The following DRC10 variants were observed in gnomAD, a reference collection of about 807,000 sequenced individuals.
DRC10 encodes dynein regulatory complex subunit 10.
the DRC10 span, chr12:113,200,296 G>T: frequency 5.1e-6 from 3 of 587,360 alleles, no homozygotes; most frequent in African/African-American, 5.5e-5. Context: ...TGAGGAACTT[G>T]CCCAAGGTCA....
chr12:113,196,525 G>A, the DRC10 span, among the ~76,000 whole-genome samples: 1 of 152,116 alleles, frequency 6.6e-6, no homozygotes, highest in Non-Finnish European at 1.5e-5. Context: ...GAGCTGGGTG[G>A]ACAAAGTCCC....
chr12:113,209,561 A>G, the DRC10 span, among the ~76,000 whole-genome samples: 1 of 152,024 alleles, frequency 6.6e-6, no homozygotes, highest in Non-Finnish European at 1.5e-5. Context: ...TAATTTTTTA[A>G]CTTTTTATAG....
At chr12:113,203,639 C>A in the DRC10 span, among the ~76,000 whole-genome samples, 2 of 151,976 alleles carry the variant, frequency 1.3e-5, no homozygotes, top group Non-Finnish European at 2.9e-5. Context: ...CCACACCCAG[C>A]TAATTTTTAT....
At chr12:113,217,562 C>T in the DRC10 span, among the ~76,000 whole-genome samples, 28 of 152,320 alleles carry the variant, frequency 1.8e-4, no homozygotes, top group Admixed American at 1.3e-3. Flanking sequence ...AACTGAGTCT[C>T]GCTCTGTCGC....
chr12:113,208,126 G>A, the DRC10 span: 1 of 1,614,138 alleles, frequency 6.2e-7, no homozygotes, highest in Non-Finnish European at 8.5e-7. Flanking sequence ...GATGGCAGGG[G>A]CCTGATACAA....
chr12:113,215,861 C>T, the DRC10 span, among the ~76,000 whole-genome samples: 1 of 152,090 alleles, frequency 6.6e-6, no homozygotes, highest in South Asian at 2.1e-4. Flanking sequence ...TCTAGAACAC[C>T]GACAACTCCA....
chr12:113,208,254 G>A, the DRC10 span: 2 of 1,494,950 alleles, frequency 1.3e-6, no homozygotes, highest in Non-Finnish European at 1.8e-6. Context: ...ATTGTCTCTG[G>A]CCATCCTGCA....
chr12:113,199,706 C>T, the DRC10 span, among the ~76,000 whole-genome samples: 1 of 151,198 alleles, frequency 6.6e-6, no homozygotes, highest in African/African-American at 2.4e-5. Context: ...AAGGAGAAGG[C>T]AAATGAAGGT....
the DRC10 span, among the ~76,000 whole-genome samples, chr12:113,215,926 A>C: frequency 6.6e-6 from 1 of 152,234 alleles, no homozygotes; most frequent in Non-Finnish European, 1.5e-5. Context: ...GGAATGCAAC[A>C]TGGTGCGGCC....
At chr12:113,200,293 C>A in the DRC10 span, 1 of 580,192 alleles carries the variant, frequency 1.7e-6, no homozygotes. Context: ...AGTTGAGGAA[C>A]TTGCCCAAGG....
the DRC10 span, among the ~76,000 whole-genome samples, chr12:113,217,418 T>C: frequency 5.0e-3 from 763 of 152,314 alleles, 9 homozygotes; most frequent in African/African-American, 0.017. Flanking sequence ...TTTTTGTAAA[T>C]GTATCTGAAG....
the DRC10 span, among the ~76,000 whole-genome samples, chr12:113,196,059 C>T: frequency 2.0e-5 from 3 of 152,150 alleles, no homozygotes; most frequent in Non-Finnish European, 4.4e-5. Flanking sequence ...AGGGGATGGG[C>T]TCCATCCTAG....
the DRC10 span, chr12:113,197,649 A>T: frequency 7.6e-7 from 1 of 1,315,122 alleles, no homozygotes; most frequent in Non-Finnish European, 1.1e-6. Context: ...TTGATGGAAT[A>T]TATTAACAAT....
chr12:113,209,918 G>C, the DRC10 span, among the ~76,000 whole-genome samples: 4 of 152,208 alleles, frequency 2.6e-5, no homozygotes, highest in Admixed American at 6.5e-5. Flanking sequence ...CTGAGGTCAG[G>C]AGTTCAAGAC....
At chr12:113,208,081 CT>C in the DRC10 span, 1 of 1,614,166 alleles carries the variant, frequency 6.2e-7, no homozygotes, top group Non-Finnish European at 8.5e-7. Flanking sequence ...ATCAGCTGGC[CT>C]TTTAGATGGG....
the DRC10 span, among the ~76,000 whole-genome samples, chr12:113,202,541 C>T: frequency 2.0e-5 from 3 of 152,180 alleles, no homozygotes; most frequent in African/African-American, 7.2e-5. Flanking sequence ...GCCCCAGTGA[C>T]GGGTGGTCGG....
chr12:113,215,050 G>C, the DRC10 span, among the ~76,000 whole-genome samples: 1 of 152,202 alleles, frequency 6.6e-6, no homozygotes, highest in African/African-American at 2.4e-5. Context: ...GAGGACATGG[G>C]ATAGTGACTC....
the DRC10 span, among the ~76,000 whole-genome samples, chr12:113,219,366 A>C: frequency 6.6e-6 from 1 of 152,300 alleles, no homozygotes; most frequent in African/African-American, 2.4e-5. Flanking sequence ...ACTGCCAACT[A>C]TATTTCAGAT....
At chr12:113,217,316 C>T in the DRC10 span, among the ~76,000 whole-genome samples, 2 of 151,314 alleles carry the variant, frequency 1.3e-5, no homozygotes, top group Non-Finnish European at 2.9e-5. Flanking sequence ...GTACTAATCA[C>T]ACGTGTAATT....
Sources: allele counts gnomAD v4.1 joint callset (sites outside exome capture counted in the v4.1 genomes callset), GRCh38; gene constraint gnomAD v4.1.1; transcripts MANE v1.5; gene names NCBI Gene and HGNC (gene_info 2026-07-23, HGNC 2026-07-21).